ABITRAM: variants seen among roughly 807,000 people sequenced by gnomAD.
The protein encoded by ABITRAM is protein Abitram.
Under a neutral mutation model 22.9 loss-of-function variants are expected in ABITRAM, and 19 were observed. The ratio of observed to expected loss-of-function variants is 0.83; its 90% CI spans 0.58 to 1.22. The LOEUF is 1.22. Among genes scored for constraint, ABITRAM ranks in the 50% most tolerant of loss-of-function variants. The pLI is 0.00. For missense variants in ABITRAM, 215 were observed against 220.2 expected (o/e 0.98, Z 0.15); for synonymous variants, 70 against 73.9 (o/e 0.95, Z 0.27).
chr9:108,945,884 C>A (rs1353732523), downstream of ABITRAM, among the ~76,000 whole-genome samples: 1 of 152,162 alleles, frequency 6.6e-6, no homozygotes, highest in Non-Finnish European at 1.5e-5. Flanking sequence ...TTGTACTTAA[C>A]ATGTGCAAAA....
At chr9:108,937,643 A>G (rs913422230) in intron 3 of ABITRAM, among the ~76,000 whole-genome samples, 19 of 152,204 alleles carry the variant, frequency 1.2e-4, no homozygotes, top group African/African-American at 4.6e-4. Context: ...TCTACAAGTT[A>G]CAATAACACT....
chr9:108,943,031 A>G (rs200220475), downstream of ABITRAM: 120 of 1,611,430 alleles, frequency 7.4e-5, no homozygotes, highest in Admixed American at 1.7e-5. Context: ...TGTCTTCGTA[A>G]TACACTTGTC....
chr9:108,938,067 C>T (rs978690136), intron 3 of ABITRAM, among the ~76,000 whole-genome samples: 3 of 151,864 alleles, frequency 2.0e-5, no homozygotes, highest in African/African-American at 7.3e-5. Flanking sequence ...CATATTGAAC[C>T]CACTACAGTA....
chr9:108,938,151 C>T (rs2132066449), intron 3 of ABITRAM, among the ~76,000 whole-genome samples: 1 of 152,312 alleles, frequency 6.6e-6, no homozygotes, highest in Non-Finnish European at 1.5e-5. Context: ...AACATTTCTG[C>T]TGTTTTGGCA....
rs201036117 is a variant in ABITRAM at position 108,939,526 on chromosome 9, A to G, written c.409-23A>G. The G allele has an allele frequency of 2.5e-6, 4 of 1,612,718 alleles. No homozygotes were observed. In the East Asian group the frequency reaches 6.7e-5, roughly 27 times the overall value. ...GGTTTTTTTTTCATCGTTTGACAGTACTAAATGTTCTTTCCTTTCCAGCCA... is the reference window on the plus strand; with the variant it reads ...GGTTTTTTTTTCATCGTTTGACAGTGCTAAATGTTCTTTCCTTTCCAGCCA... On this transcript the variant is annotated intron_variant, in intron 5 of 5. Coordinates refer to ENST00000322940, the MANE Select transcript of ABITRAM (RefSeq NM_017832.4).
intron 1 of ABITRAM, 69 bp from the exon 2 acceptor site, chr9:108,935,569 C>A: frequency 8.0e-7 from 1 of 1,243,698 alleles, no homozygotes; most frequent in South Asian, 1.2e-5. Flanking sequence ...CTATATGACC[C>A]AAAGAAAGTA....
At chr9:108,943,252 A>C (rs1281256400), downstream of ABITRAM, among the ~76,000 whole-genome samples, 4 of 152,128 alleles carry the variant, frequency 2.6e-5, no homozygotes, top group East Asian at 7.7e-4. Flanking sequence ...ATCTCATGGA[A>C]CCCCAGCAGA....
At chr9:108,935,827 G>T in intron 2 of ABITRAM, 138 bp downstream of exon 2, 1 of 627,480 alleles carries the variant, frequency 1.6e-6, no homozygotes, top group East Asian at 2.8e-5. Context: ...TGTTGAAATG[G>T]TATTATTATA....
chr9:108,934,510 G>A lies in ABITRAM; in HGVS notation c.24G>A (p.Ala8=). Residue 8 remains alanine, a synonymous_variant, in exon 1 of 6, where the codon GCG becomes GCA. Coordinates refer to ENST00000322940, the MANE Select transcript of ABITRAM (RefSeq NM_017832.4). MATEPEA[A]EPVVPSLVDR... ...CCATGGCTACCGAGCCCGAAGCCGC[G>A]GAGCCGGTGGTGCCTTCGCTCGTGG... 6.2e-7 allele frequency: 1 copy of A among 1,605,710 alleles called. No homozygotes were observed.
chr9:108,935,722 A>AT (rs752472230), intron 2 of ABITRAM, 33 bp downstream of exon 2: 203 of 1,550,270 alleles, frequency 1.3e-4, no homozygotes, highest in Non-Finnish European at 1.5e-4. Flanking sequence ...ATTATCAAAA[A>AT]TTTTTTTTTC....
downstream of ABITRAM, among the ~76,000 whole-genome samples, chr9:108,945,628 G>GTT (rs11287261): frequency 1.4e-5 from 2 of 140,402 alleles, no homozygotes; most frequent in Admixed American, 7.0e-5. Context: ...TGCCCCGCTA[G>GTT]TTTTTTTTTT....
At chr9:108,949,619 A>C (rs1159710546) in intron 3 of ABITRAM, among the ~76,000 whole-genome samples, 2 of 152,074 alleles carry the variant, frequency 1.3e-5, no homozygotes. Context: ...TGAGGCGGGC[A>C]GATCACTTGA....
At position 108,936,417 on chromosome 9, in the gene ABITRAM, G is replaced by T; in HGVS notation, c.241G>T (p.Val81Phe). Reference sequence around the variant, plus strand: ...CAACTGTAGCAGACTTCAGAACAAGGTCTCTGGGAAATTTAAGCGGGTATG... The same window carrying T: ...CAACTGTAGCAGACTTCAGAACAAGTTCTCTGGGAAATTTAAGCGGGTATG... ...STNCSRLQNKVSGKFKRGAQF... is the reference protein window; with the variant it reads ...STNCSRLQNKFSGKFKRGAQF... Residue 81 changes from valine to phenylalanine, a missense_variant, in exon 3 of 6, where the codon GTC (valine) becomes TTC (phenylalanine). By Grantham distance (50) the Val-to-Phe change is conservative. Coordinates refer to ENST00000322940, the MANE Select transcript of ABITRAM (RefSeq NM_017832.4). The T allele has an allele frequency of 6.2e-7, 1 of 1,613,536 alleles. No homozygotes were observed.
chr9:108,943,358 C>T (rs760405302), downstream of ABITRAM, among the ~76,000 whole-genome samples: 2 of 152,152 alleles, frequency 1.3e-5, no homozygotes, highest in Non-Finnish European at 2.9e-5. Flanking sequence ...CTTTGCAATT[C>T]CTTGCACTCT....
intron 3 of ABITRAM, among the ~76,000 whole-genome samples, chr9:108,946,173 C>T (rs1830398251): frequency 6.6e-6 from 1 of 152,036 alleles, no homozygotes; most frequent in African/African-American, 2.4e-5. Flanking sequence ...GTAGCGCACA[C>T]CTGTAGTCCC....
chr9:108,938,468 G>A (rs1830214363), intron 3 of ABITRAM, among the ~76,000 whole-genome samples: 1 of 152,140 alleles, frequency 6.6e-6, no homozygotes, highest in Non-Finnish European at 1.5e-5. Context: ...ACTTGTGAGA[G>A]CCTCCCCAGG....
chr9:108,943,606 A>G, downstream of ABITRAM: 1 of 923,448 alleles, frequency 1.1e-6, no homozygotes, highest in South Asian at 1.9e-5. Context: ...AAGGAAATAA[A>G]TTGCCCTTCT....
chr9:108,934,605 G>C, intron 1 of ABITRAM, 40 bp downstream of exon 1: 1 of 1,553,322 alleles, frequency 6.4e-7, no homozygotes, highest in Admixed American at 1.8e-5. Context: ...TGGCCGCACT[G>C]GCCTAATGCT....
intron 3 of ABITRAM, among the ~76,000 whole-genome samples, chr9:108,938,700 G>T (rs568539836): frequency 2.1e-5 from 3 of 142,236 alleles, no homozygotes; most frequent in African/African-American, 5.1e-5. Flanking sequence ...AGGGGGGGGG[G>T]GGAAAGAACA....
Sources: gnomAD v4.1 joint callset for allele counts (sites outside exome capture counted in the v4.1 genomes callset) on GRCh38, gnomAD v4.1.1 for gene constraint, MANE v1.5 for transcripts, NCBI Gene and HGNC (gene_info 2026-07-23, HGNC 2026-07-21) for gene names.